Variants in ROBO2 observed in about 807,000 individuals in gnomAD.
The protein encoded by ROBO2 is roundabout guidance receptor 2.
Under a neutral mutation model 160.8 loss-of-function variants are expected in ROBO2, and 53 were observed. The ratio of observed to expected loss-of-function variants is 0.33; its 90% CI spans 0.26 to 0.41. ROBO2 has a LOEUF of 0.41. Ranked by LOEUF, ROBO2 falls within the 10% of genes least tolerant of loss-of-function variation. ROBO2 has a pLI of 1.00. For missense variants in ROBO2, 1,577 were observed against 1,722.4 expected, an observed-to-expected ratio of 0.92 and a Z score of 1.49; for synonymous variants, 664 against 611.7, an observed-to-expected ratio of 1.09 and a Z score of -1.26.
intron 2 of ROBO2, among the ~76,000 whole-genome samples, chr3:76,743,034 C>G (rs1385199636): frequency 6.6e-6 from 1 of 152,094 alleles, no homozygotes; most frequent in African/African-American, 2.4e-5. Flanking sequence ...TATTTTCAGA[C>G]AGGCTTTCTG....
rs140193772 is a variant in ROBO2 at position 76,225,272 on chromosome 3, G to A, written c.109+287670G>A. ...TTTCAGAAGTTTATTATGTTTTAAA[G>A]CAAAGATAAATTTACACCAATGTCA... On this transcript the variant is annotated intron_variant, in intron 2 of 26. Transcript: ENST00000487694. 3.2e-3 allele frequency among the ~76,000 whole-genome samples: 489 copies of A among 152,192 alleles called. 7 individuals carry two copies. The highest frequency in any genetic ancestry group is 0.023 in the Admixed American group (358 of 15,282).
chr3:76,095,091 T>C (rs2069386010), intron 2 of ROBO2, among the ~76,000 whole-genome samples: 1 of 152,134 alleles, frequency 6.6e-6, no homozygotes, highest in Non-Finnish European at 1.5e-5. Context: ...AAAAAAGCTC[T>C]CTTTTAATTT....
intron 2 of ROBO2, among the ~76,000 whole-genome samples, chr3:75,984,460 C>A (rs1198555293): frequency 6.6e-6 from 1 of 151,298 alleles, no homozygotes. Flanking sequence ...CAATAATTAG[C>A]ATTTGATAAA....
At chr3:76,141,141 CTCTCTCTCTCTCTCTCTCTATATATATA>C (rs1317596616) in intron 2 of ROBO2, among the ~76,000 whole-genome samples, 1 of 61,222 alleles carries the variant, frequency 1.6e-5, no homozygotes, top group East Asian at 7.1e-4. Context: ...CTCTCTCTCT[CTCTCTCTCTCTCTCTCTCTATATATATA>C]TATATATATA....
chr3:76,238,547 G>C (rs1262706484), intron 2 of ROBO2, among the ~76,000 whole-genome samples: 1 of 151,338 alleles, frequency 6.6e-6, no homozygotes, highest in African/African-American at 2.4e-5. Flanking sequence ...CCTCCCCCCA[G>C]GTCTCCCCCT....
At chr3:76,790,944 T>G (rs1295184501) in intron 2 of ROBO2, among the ~76,000 whole-genome samples, 1 of 151,712 alleles carries the variant, frequency 6.6e-6, no homozygotes, top group Non-Finnish European at 1.5e-5. Flanking sequence ...ATGGGAATGA[T>G]AATAGTAGCT....
At chr3:76,419,877 T>C (rs2075917304) in intron 2 of ROBO2, among the ~76,000 whole-genome samples, 1 of 152,190 alleles carries the variant, frequency 6.6e-6, no homozygotes, top group South Asian at 2.1e-4. Context: ...TAATGGGTTT[T>C]TGTTTTAGTA....
chr3:76,915,268 A>G (rs1437890783), intron 2 of ROBO2, among the ~76,000 whole-genome samples: 1 of 152,176 alleles, frequency 6.6e-6, no homozygotes, highest in African/African-American at 2.4e-5. Flanking sequence ...TGTGTCAAAT[A>G]CATGAATGAT....
At chr3:76,442,724 C>G (rs916432423) in intron 2 of ROBO2, among the ~76,000 whole-genome samples, 1 of 152,182 alleles carries the variant, frequency 6.6e-6, no homozygotes, top group Non-Finnish European at 1.5e-5. Context: ...TAGTGAATCA[C>G]CCCTTTGTCC....
intron 2 of ROBO2, among the ~76,000 whole-genome samples, chr3:76,975,400 G>A (rs1285668121): frequency 1.3e-5 from 2 of 152,158 alleles, no homozygotes; most frequent in African/African-American, 4.8e-5. Flanking sequence ...AGCTACTTGG[G>A]AGGCTGAGGC....
intron 2 of ROBO2, among the ~76,000 whole-genome samples, chr3:77,100,577 C>T (rs2071770962): frequency 6.6e-6 from 1 of 151,648 alleles, no homozygotes; most frequent in Admixed American, 6.6e-5. Context: ...TTTTAGAAAA[C>T]TCAACATAAA....
chr3:77,384,057 T>C (rs1345650459), intron 2 of ROBO2, among the ~76,000 whole-genome samples: 4 of 152,146 alleles, frequency 2.6e-5, no homozygotes, highest in Admixed American at 2.0e-4. Flanking sequence ...TCAGATGTAG[T>C]ATGGTGTAAA....
chr3:77,539,509 G>A (rs1277534640), intron 6 of ROBO2, among the ~76,000 whole-genome samples: 1 of 151,924 alleles, frequency 6.6e-6, no homozygotes, highest in Admixed American at 6.6e-5. Flanking sequence ...TGTCACTGGT[G>A]GGTATGTGTA....
At chr3:76,603,351 A>AAAATATAT (rs1553826368) in intron 2 of ROBO2, among the ~76,000 whole-genome samples, 20 of 26,398 alleles carry the variant, frequency 7.6e-4, no homozygotes, top group African/African-American at 3.3e-3. Context: ...AAAAAAAAAA[A>AAAATATAT]ATATATATAT....
At chr3:76,125,983 T>C (rs12630660) in intron 2 of ROBO2, among the ~76,000 whole-genome samples, 10,304 of 152,086 alleles carry the variant, frequency 0.068, 708 homozygotes, top group East Asian at 0.15. Context: ...CGTGCCACCA[T>C]GCCCAGCTAA....
intron 2 of ROBO2, among the ~76,000 whole-genome samples, chr3:77,311,174 A>G (rs1188285357): frequency 1.3e-5 from 2 of 152,192 alleles, no homozygotes; most frequent in Admixed American, 6.5e-5. Flanking sequence ...TTTTCTCATT[A>G]GTTGACTGGG....
At chr3:76,069,044 TTTTC>T (rs1203885399) in intron 2 of ROBO2, among the ~76,000 whole-genome samples, 86 of 152,144 alleles carry the variant, frequency 5.7e-4, no homozygotes, top group South Asian at 6.2e-4. Context: ...TTTAAATGCA[TTTTC>T]TTTTTATCTC....
chr3:77,213,370 T>G (rs1472148287), intron 2 of ROBO2, among the ~76,000 whole-genome samples: 3 of 152,060 alleles, frequency 2.0e-5, no homozygotes, highest in African/African-American at 7.2e-5. Context: ...TTGCATAGAG[T>G]TGTTTGTAGT....
intron 2 of ROBO2, among the ~76,000 whole-genome samples, chr3:77,410,417 C>T (rs2076608822): frequency 6.6e-6 from 1 of 152,098 alleles, no homozygotes. Context: ...CACAGAGATG[C>T]TGCATTACAC....
Sources: allele counts gnomAD v4.1 joint callset (sites outside exome capture counted in the v4.1 genomes callset), GRCh38; gene constraint gnomAD v4.1.1; transcripts MANE v1.5; gene names NCBI Gene and HGNC (gene_info 2026-07-23, HGNC 2026-07-21).